Variants in BCAS3 observed in about 807,000 individuals in gnomAD.
BCAS3 encodes BCAS3 microtubule associated cell migration factor.
In BCAS3, 53 loss-of-function variants were observed where a neutral mutation model predicts 116.1. The ratio of observed to expected loss-of-function variants is 0.46; its 90% CI spans 0.37 to 0.57. BCAS3 has a LOEUF of 0.57. BCAS3 is among the 20% of genes least tolerant of loss of function. The probability of loss-of-function intolerance (pLI) is 0.00; values close to 1 mark genes in which losing one functional copy is unlikely to be tolerated. For missense variants in BCAS3, 917 were observed against 1,165.4 expected (o/e 0.79, Z 3.10); for synonymous variants, 391 against 408.2 (o/e 0.96, Z 0.51).
intron 10 of BCAS3, among the ~76,000 whole-genome samples, chr17:60,900,396 T>C (rs8064787): frequency 0.3 from 45,352 of 151,604 alleles, 11,190 homozygotes; most frequent in African/African-American, 0.69. Flanking sequence ...GTTCCATGGT[T>C]GGGGATGTGG....
At chr17:60,975,820 C>A (rs987253368) in intron 14 of BCAS3, among the ~76,000 whole-genome samples, 1 of 152,062 alleles carries the variant, frequency 6.6e-6, no homozygotes, top group African/African-American at 2.4e-5. Flanking sequence ...TTGTTTCTTT[C>A]ACTTTGCATA....
At chr17:61,120,431 A>G (rs1181078353) in intron 22 of BCAS3, among the ~76,000 whole-genome samples, 1 of 152,152 alleles carries the variant, frequency 6.6e-6, no homozygotes, top group Non-Finnish European at 1.5e-5. Context: ...TCCTCAAAAG[A>G]ATAACTATAT....
chr17:60,912,886 G>A (rs1251233403), intron 12 of BCAS3, among the ~76,000 whole-genome samples: 1 of 152,032 alleles, frequency 6.6e-6, no homozygotes, highest in Non-Finnish European at 1.5e-5. Flanking sequence ...TGTTGATGGA[G>A]AGATTTGGGA....
chr17:61,344,396 C>T lies in BCAS3; in HGVS notation c.2426-23931C>T, dbSNP rs2057373205. 4.6e-5 allele frequency among the ~76,000 whole-genome samples: 7 copies of T among 152,202 alleles called. No homozygotes were observed. The South Asian group carries it at 1.4e-3, about 32-fold the overall frequency. ...CCAGCTTCATCTTCACGGGGACTTT[C>T]TTCCATCTGTGCACTGATGTTAGTG... On this transcript the variant is annotated intron_variant, in intron 22 of 23. Transcript: ENST00000407086. This position sits in a 1 kb window ranked among gnomAD's most constrained non-coding sequence, Gnocchi z 4.1.
intron 22 of BCAS3, among the ~76,000 whole-genome samples, chr17:61,143,763 T>A (rs887320): frequency 0.85 from 129,852 of 152,214 alleles, 58,875 homozygotes; most frequent in Non-Finnish European, 1. Context: ...GAGCCAAGAT[T>A]GTGCCACTGC....
rs1455703993 is a variant in BCAS3, at chr17:60,960,329, T to C, written c.1221+12977T>C. 6.6e-6 allele frequency among the ~76,000 whole-genome samples: 1 copy of C among 152,178 alleles called. No homozygotes were observed. Among genetic ancestry groups the C allele is most frequent in the Non-Finnish European group, 1.5e-5 (1 of 68,026 alleles). On this transcript the variant is annotated intron_variant, in intron 14 of 23. Transcript: ENST00000407086. This position sits in a 1 kb window ranked among gnomAD's most constrained non-coding sequence, Gnocchi z 4.1. ...TCTCAATCATCTGACTCTGGTATGG[T>C]TGAGACTCTGGAATTTATCCTAGGG... is the stretch of plus-strand genomic sequence containing the variant.
chr17:61,070,128 C>T (rs766968136), intron 19 of BCAS3: 1 of 1,573,348 alleles, frequency 6.4e-7, no homozygotes, highest in South Asian at 1.1e-5. Flanking sequence ...CTGAGTCTGC[C>T]ATGAAGAAGA....
At position 61,392,524 on chromosome 17, in the gene BCAS3, A is replaced by C; in HGVS notation, c.*399A>C. 1 of 167,778 alleles carries C rather than the reference A, an allele frequency of 6.0e-6. No homozygotes were observed. The highest frequency in any genetic ancestry group is 1.3e-5 in the Non-Finnish European group (1 of 78,572). 10.4% of individuals were successfully genotyped at this position (167,778 alleles called of 1,614,324 possible). A position where few individuals can be genotyped will look rare whatever the true frequency, so the allele number is the denominator to read the frequency against. On this transcript the variant is annotated 3_prime_UTR_variant, in exon 24 of 24. Transcript: ENST00000407086. The surrounding 1 kb of genome is among the most constrained non-coding windows in gnomAD (Gnocchi z 6.4). Reference sequence around the variant, plus strand: ...GTTGATCGTCCACCTGGCCATTTTGACCCTGAGTGGACAGTCACAGCCTCA... The same window carrying C: ...GTTGATCGTCCACCTGGCCATTTTGCCCCTGAGTGGACAGTCACAGCCTCA...
intron 22 of BCAS3, among the ~76,000 whole-genome samples, chr17:61,169,520 A>G (rs964012485): frequency 1.8e-4 from 28 of 152,044 alleles, no homozygotes; most frequent in African/African-American, 5.6e-4. Flanking sequence ...CAATCCTCCC[A>G]TCTTGGCCTC....
intron 7 of BCAS3, chr17:60,810,704 G>T: frequency 1.5e-6 from 1 of 667,152 alleles, no homozygotes. Flanking sequence ...TCTGTGGAGA[G>T]GGACATCCAT....
intron 22 of BCAS3, among the ~76,000 whole-genome samples, chr17:61,336,951 A>G (rs908142622): frequency 2.0e-5 from 3 of 152,034 alleles, no homozygotes; most frequent in African/African-American, 7.2e-5. Context: ...TGTCTCTACT[A>G]AAAATACAAA....
In BCAS3 at chr17:61,106,578, C is replaced by A. The variant is rs531649093; in HGVS notation, c.2425+22014C>A. On this transcript the variant is annotated intron_variant, in intron 22 of 23. Coordinates refer to ENST00000407086, the MANE Select transcript of BCAS3 (RefSeq NM_017679.5). This position sits in a 1 kb window ranked among gnomAD's most constrained non-coding sequence, Gnocchi z 4.2. ...AACACATCTTTGTTGTTAAGCAATG[C>A]GTGGGTGTATAGTGTTGGTACTGTC... 3.9e-5 allele frequency among the ~76,000 whole-genome samples: 6 copies of A among 152,158 alleles called. No individual in the cohort carries two copies. The highest frequency in any genetic ancestry group is 7.3e-5 in the Non-Finnish European group (5 of 68,044).
rs1247600594 is a variant in BCAS3 at position 61,258,421 on chromosome 17, A to T, written c.2426-109906A>T. Among the ~76,000 whole-genome samples the T allele has an allele frequency of 6.6e-6, 1 of 152,214 alleles. No homozygotes were observed. Among genetic ancestry groups the T allele is most frequent in the Non-Finnish European group, 1.5e-5 (1 of 68,036 alleles). ...AACACAGGTTTTTAGAGGCAGGTTT[A>T]TCTAGGTTTGAGTTGTGGGTCTGCC... On this transcript the variant is annotated intron_variant, in intron 22 of 23. Coordinates refer to ENST00000407086, the MANE Select transcript of BCAS3 (RefSeq NM_017679.5). The surrounding 1 kb of genome is among the most constrained non-coding windows in gnomAD (Gnocchi z 4.7).
rs2051345227 is a variant in BCAS3 at position 61,282,685 on chromosome 17, A to G, written c.2426-85642A>G. ...TTGAAAAAGAAGGAAGCCCATCAAC[A>G]CAGAGGATTATGAATCAGACCCTTC... On this transcript the variant is annotated intron_variant, in intron 22 of 23. Coordinates refer to ENST00000407086, the MANE Select transcript of BCAS3 (RefSeq NM_017679.5). The surrounding 1 kb of genome is among the most constrained non-coding windows in gnomAD (Gnocchi z 5.9). Among the ~76,000 whole-genome samples the G allele has an allele frequency of 6.6e-6, 1 of 152,192 alleles. No homozygotes were observed. The highest frequency in any genetic ancestry group is 1.5e-5 in the Non-Finnish European group (1 of 68,030).
At chr17:61,322,200 CTGAGATTACAGGTG>C (rs1272823509) in intron 22 of BCAS3, among the ~76,000 whole-genome samples, 1 of 152,168 alleles carries the variant, frequency 6.6e-6, no homozygotes, top group Non-Finnish European at 1.5e-5. Context: ...TCCCAAAGTG[CTGAGATTACAGGTG>C]TGAGCCACCA....
At chr17:60,776,592 A>G (rs1265175506) in intron 6 of BCAS3, among the ~76,000 whole-genome samples, 2 of 151,760 alleles carry the variant, frequency 1.3e-5, no homozygotes, top group Non-Finnish European at 2.9e-5. Context: ...GGTGGCGTGC[A>G]CCTGTAATCC....
At chr17:60,780,093 G>C (rs932345224) in intron 6 of BCAS3, among the ~76,000 whole-genome samples, 1 of 151,288 alleles carries the variant, frequency 6.6e-6, no homozygotes, top group African/African-American at 2.4e-5. Context: ...GGATTCAAGC[G>C]ATTCTTCTGC....
intron 22 of BCAS3, among the ~76,000 whole-genome samples, chr17:61,237,880 G>T (rs1043760758): frequency 6.6e-6 from 1 of 152,066 alleles, no homozygotes; most frequent in Non-Finnish European, 1.5e-5. Context: ...ATTTTTATAT[G>T]GAGGCAGGAA....
intron 10 of BCAS3, among the ~76,000 whole-genome samples, chr17:60,891,424 C>T (rs573939749): frequency 3.3e-5 from 5 of 152,286 alleles, no homozygotes; most frequent in African/African-American, 7.2e-5. Context: ...GACCAGACAA[C>T]GTAGTGGCCT....
Sources: gnomAD v4.1 joint callset for allele counts (sites outside exome capture counted in the v4.1 genomes callset) on GRCh38, gnomAD v4.1.1 for gene constraint, Gnocchi (gnomAD v3.1) non-coding constraint, MANE v1.5 for transcripts, NCBI Gene and HGNC (gene_info 2026-07-23, HGNC 2026-07-21) for gene names.